The following PPFIA2 variants were observed in gnomAD, a reference collection of about 807,000 sequenced individuals.
PPFIA2 encodes the protein liprin-alpha-2.
Under a neutral mutation model 175.5 loss-of-function variants are expected in PPFIA2, and 46 were observed. The observed-to-expected ratio is 0.26, with a 90% CI of 0.21 to 0.34. PPFIA2 has a LOEUF of 0.34. Among genes scored for constraint, PPFIA2 ranks in the 10% least tolerant of loss-of-function variants. The pLI is 1.00. For missense variants in PPFIA2, 1,179 were observed against 1,506.1 expected, an observed-to-expected ratio of 0.78 and a Z score of 3.60; for synonymous variants, 568 against 511.4, an observed-to-expected ratio of 1.11 and a Z score of -1.49.
intron 3 of PPFIA2, among the ~76,000 whole-genome samples, chr12:81,723,630 C>A (rs1298546654): frequency 1.3e-5 from 2 of 151,044 alleles, no homozygotes; most frequent in African/African-American, 4.8e-5. Context: ...AAAACGATGT[C>A]ATCACTTTAT....
intron 4 of PPFIA2, among the ~76,000 whole-genome samples, chr12:81,660,923 C>G (rs1329701794): frequency 6.6e-6 from 1 of 152,050 alleles, no homozygotes; most frequent in Non-Finnish European, 1.5e-5. Flanking sequence ...ATTTTCAACC[C>G]AGAATTTCAT....
chr12:81,471,075 G>A (rs183363777), intron 4 of PPFIA2: 55 of 151,756 alleles, frequency 3.6e-4, no homozygotes, highest in African/African-American at 1.3e-3. Context: ...GTCACAAATG[G>A]TAGGATTTCA....
At chr12:81,584,990 ATATATAATATATTAATTATAT>A (rs2075054256) in intron 4 of PPFIA2, among the ~76,000 whole-genome samples, 2 of 25,082 alleles carry the variant, frequency 8.0e-5, no homozygotes, top group African/African-American at 2.5e-4. Flanking sequence ...AATTATATTT[ATATATAATATATTAATTATAT>A]TTATATATAA....
intron 7 of PPFIA2, among the ~76,000 whole-genome samples, chr12:81,438,795 A>G (rs1344793464): frequency 6.6e-6 from 1 of 152,158 alleles, no homozygotes; most frequent in Non-Finnish European, 1.5e-5. Context: ...TTAACTATTT[A>G]TCTTTACTTT....
At chr12:81,654,684 C>T (rs2067513164) in intron 4 of PPFIA2, among the ~76,000 whole-genome samples, 1 of 152,082 alleles carries the variant, frequency 6.6e-6, no homozygotes, top group South Asian at 2.1e-4. Flanking sequence ...CACACCAGCA[C>T]CTTAATTGCA....
At chr12:81,317,872 A>G (rs924862653) in intron 22 of PPFIA2, among the ~76,000 whole-genome samples, 1 of 151,712 alleles carries the variant, frequency 6.6e-6, no homozygotes, top group Non-Finnish European at 1.5e-5. Context: ...AAAAGCAGGT[A>G]GTTCAAACTC....
chr12:81,379,009 C>A (rs1304612455), intron 9 of PPFIA2, among the ~76,000 whole-genome samples: 1 of 152,086 alleles, frequency 6.6e-6, no homozygotes, highest in Non-Finnish European at 1.5e-5. Flanking sequence ...TTATTAATTA[C>A]TATTATGTAC....
chr12:81,480,492 A>T (rs1318669383), intron 4 of PPFIA2, among the ~76,000 whole-genome samples: 1 of 152,008 alleles, frequency 6.6e-6, no homozygotes, highest in Non-Finnish European at 1.5e-5. Context: ...GAAGAGACAT[A>T]TTGGTTTTGG....
At chr12:81,497,955 G>A (rs1303829254) in intron 4 of PPFIA2, among the ~76,000 whole-genome samples, 1 of 152,054 alleles carries the variant, frequency 6.6e-6, no homozygotes, top group African/African-American at 2.4e-5. Flanking sequence ...TCCTTTCCCA[G>A]GCCTTTCAAT....
chr12:81,601,444 A>G (rs1595487008), intron 4 of PPFIA2, among the ~76,000 whole-genome samples: 1 of 151,942 alleles, frequency 6.6e-6, no homozygotes, highest in East Asian at 1.9e-4. Context: ...ATATCAAGGT[A>G]CGGTCCCATC....
intron 14 of PPFIA2, among the ~76,000 whole-genome samples, chr12:81,365,849 G>T (rs1358041042): frequency 6.6e-6 from 1 of 151,722 alleles, no homozygotes; most frequent in East Asian, 1.9e-4. Context: ...CTTGACTGTA[G>T]AATTAGTTAT....
At chr12:81,452,277 CAAA>C (rs1484584523) in intron 5 of PPFIA2, among the ~76,000 whole-genome samples, 12 of 152,176 alleles carry the variant, frequency 7.9e-5, no homozygotes, top group Non-Finnish European at 1.5e-5. Flanking sequence ...CTTAATTCAA[CAAA>C]ACCTTGTGAA....
intron 11 of PPFIA2, chr12:81,369,458 G>T: frequency 1.6e-6 from 2 of 1,279,810 alleles, no homozygotes; most frequent in Non-Finnish European, 2.0e-6. Context: ...GACTGTGCAT[G>T]GTTTGAACAC....
chr12:81,547,363 T>G (rs2153358994), intron 4 of PPFIA2, among the ~76,000 whole-genome samples: 1 of 152,006 alleles, frequency 6.6e-6, no homozygotes, highest in East Asian at 1.9e-4. Flanking sequence ...ATTGACTAAC[T>G]TTTTTTTCTT....
chr12:81,449,127 G>C (rs1439431441), intron 5 of PPFIA2, among the ~76,000 whole-genome samples: 1 of 152,030 alleles, frequency 6.6e-6, no homozygotes, highest in Admixed American at 6.5e-5. Context: ...CCACCATGTC[G>C]TATTTCTCAA....
intron 7 of PPFIA2, among the ~76,000 whole-genome samples, chr12:81,421,061 C>A (rs186963745): frequency 1.6e-4 from 24 of 152,100 alleles, no homozygotes; most frequent in African/African-American, 5.5e-4. Flanking sequence ...AACAATATAT[C>A]CAACAAAATT....
At chr12:81,456,508 GA>G (rs1352189467) in intron 5 of PPFIA2, among the ~76,000 whole-genome samples, 4 of 152,144 alleles carry the variant, frequency 2.6e-5, no homozygotes, top group Admixed American at 2.6e-4. Flanking sequence ...CCAGTTAGTA[GA>G]ACTGTATTTT....
At chr12:81,515,746 A>G (rs1227544145) in intron 4 of PPFIA2, among the ~76,000 whole-genome samples, 1 of 152,004 alleles carries the variant, frequency 6.6e-6, no homozygotes, top group Non-Finnish European at 1.5e-5. Context: ...TAACAATTCT[A>G]TTTTTCAAAT....
chr12:81,328,441 A>G (rs1267620107), intron 21 of PPFIA2, among the ~76,000 whole-genome samples: 2 of 152,244 alleles, frequency 1.3e-5, no homozygotes, highest in Non-Finnish European at 2.9e-5. Context: ...CATGTAATTC[A>G]TAAATTTTAA....
Sources: gnomAD v4.1 joint callset for allele counts (sites outside exome capture counted in the v4.1 genomes callset) on GRCh38, gnomAD v4.1.1 for gene constraint, MANE v1.5 for transcripts, NCBI Gene and HGNC (gene_info 2026-07-23, HGNC 2026-07-21) for gene names.